Variants in WDR89 observed in about 807,000 individuals in gnomAD.
The protein encoded by WDR89 is WD repeat domain 89, also known as WD repeat-containing protein 89.
A neutral mutation model predicts 29.1 loss-of-function variants in WDR89; 17 were observed. That is an observed-to-expected ratio of 0.58 (90% CI 0.40 to 0.88). The LOEUF (loss-of-function observed/expected upper bound fraction) is 0.88. Ranked by LOEUF, WDR89 falls within the 40% of genes least tolerant of loss-of-function variation. WDR89 has a pLI of 0.00. For missense variants in WDR89, 396 were observed against 456.3 expected, an observed-to-expected ratio of 0.87 and a Z score of 1.20; for synonymous variants, 138 against 157.8, an observed-to-expected ratio of 0.87 and a Z score of 0.94.
chr14:63,617,641 C>A (rs376851071), intron 2 of WDR89, among the ~76,000 whole-genome samples: 1 of 152,028 alleles, frequency 6.6e-6, no homozygotes, highest in African/African-American at 2.4e-5. Flanking sequence ...CCCACCACCA[C>A]GCCCAGCTAA....
At chr14:63,629,696 C>T (rs1413723709) in intron 1 of WDR89, among the ~76,000 whole-genome samples, 1 of 152,172 alleles carries the variant, frequency 6.6e-6, no homozygotes, top group African/African-American at 2.4e-5. Context: ...AAGGAGACGA[C>T]ATTGAAGCAA....
chr14:63,626,955 C>CA (rs963021754), intron 1 of WDR89, among the ~76,000 whole-genome samples: 17 of 151,282 alleles, frequency 1.1e-4, no homozygotes, highest in African/African-American at 3.6e-4. Context: ...CCCGTCCTTA[C>CA]AAAAAAAATA....
intron 1 of WDR89, among the ~76,000 whole-genome samples, chr14:63,637,590 A>ATG (rs1883821089): frequency 6.6e-6 from 1 of 152,130 alleles, no homozygotes; most frequent in South Asian, 2.1e-4. Flanking sequence ...GTGTATATAT[A>ATG]TGTGTATATA....
At chr14:63,633,231 ATGTG>A (rs982925132) in intron 1 of WDR89, among the ~76,000 whole-genome samples, 4 of 152,096 alleles carry the variant, frequency 2.6e-5, no homozygotes, top group African/African-American at 7.2e-5. Flanking sequence ...ATGTATAAAT[ATGTG>A]TGTAAGTATA....
At chr14:63,629,878 T>A (rs896914455) in intron 1 of WDR89, among the ~76,000 whole-genome samples, 2 of 152,200 alleles carry the variant, frequency 1.3e-5, no homozygotes, top group South Asian at 4.1e-4. Context: ...AGCAGCTACG[T>A]TAAACTATTT....
intron 1 of WDR89, among the ~76,000 whole-genome samples, chr14:63,632,341 G>T (rs567712564): frequency 1.2e-4 from 18 of 151,990 alleles, no homozygotes; most frequent in Middle Eastern, 3.4e-3. Context: ...TTAAAAACTA[G>T]GAAAGTAGGC....
chr14:63,627,199 AC>A (rs891282687), intron 1 of WDR89, among the ~76,000 whole-genome samples: 1 of 149,738 alleles, frequency 6.7e-6, no homozygotes, highest in Non-Finnish European at 1.5e-5. Flanking sequence ...TAAATGTTAA[AC>A]TTTTTGACAA....
chr14:63,610,069 AC>A, intron 2 of WDR89, among the ~76,000 whole-genome samples: 1 of 151,488 alleles, frequency 6.6e-6, no homozygotes, highest in East Asian at 1.9e-4. Flanking sequence ...AAATAACAAT[AC>A]TCATCTGAGT....
chr14:63,599,341 T>C lies in WDR89; in HGVS notation c.602A>G (p.Asn201Ser), dbSNP rs1412265660. ...SDGLVNVFDI[N>S]IDNEEDALVT... is the part of the protein sequence containing the mutation. Reference sequence around the variant, plus strand: ...CAGTGCATCCTCCTCATTATCAATATTAATATCAAATACATTTACCAGGCC... The same window carrying C: ...CAGTGCATCCTCCTCATTATCAATACTAATATCAAATACATTTACCAGGCC... The change falls in exon 3 of 3, where the codon AAT becomes AGT. Residue 201 changes from asparagine (N) to serine (S), a missense_variant. Coordinates refer to ENST00000620954, the MANE Select transcript of WDR89 (RefSeq NM_080666.4). The C allele has an allele frequency of 9.3e-6, 15 of 1,614,048 alleles. No homozygotes were observed. Among genetic ancestry groups the C allele is most frequent in the Non-Finnish European group, 1.3e-5 (15 of 1,180,036 alleles).
At position 63,599,321 on chromosome 14, in the gene WDR89, C is replaced by T; in HGVS notation, c.622G>A (p.Ala208Thr). Residue 208 changes from alanine (A) to threonine (T), a missense_variant, in exon 3 of 3, where the codon GCA (alanine) becomes ACA (threonine). Transcript: ENST00000620954. ...ATTGAGTTACAGGTTGTAACCAGTGCATCCTCCTCATTATCAATATTAATA... is the reference window on the plus strand; with the variant it reads ...ATTGAGTTACAGGTTGTAACCAGTGTATCCTCCTCATTATCAATATTAATA... ...FDINIDNEED[A>T]LVTTCNSISS... is the part of the protein sequence containing the mutation. 6.2e-7 allele frequency: 1 copy of T among 1,614,068 alleles called. No individual in the cohort carries two copies. The highest frequency in any genetic ancestry group is 8.5e-7 in the Non-Finnish European group (1 of 1,180,018).
intron 2 of WDR89, among the ~76,000 whole-genome samples, chr14:63,617,757 T>C (rs188304312): frequency 2.9e-4 from 44 of 152,260 alleles, no homozygotes; most frequent in Admixed American, 2.9e-3. Flanking sequence ...AATGCTGGTA[T>C]TGCAGGCATG....
intron 2 of WDR89, among the ~76,000 whole-genome samples, chr14:63,614,357 G>GCC (rs1882177133): frequency 1.3e-5 from 2 of 150,634 alleles, no homozygotes; most frequent in South Asian, 4.2e-4. Flanking sequence ...GCCCAGGCTG[G>GCC]AGTGCAGTGG....
intron 2 of WDR89, among the ~76,000 whole-genome samples, chr14:63,610,968 G>A (rs983897702): frequency 1.3e-5 from 2 of 151,780 alleles, no homozygotes; most frequent in African/African-American, 4.8e-5. Flanking sequence ...CCAAAGTGCT[G>A]GGGTTATAGG....
rs572861006 is a variant in WDR89, at chr14:63,615,204, G to A, written c.-32+9724C>T. On this transcript the variant is annotated intron_variant, in intron 2 of 2. Transcript: ENST00000620954. The stretch of plus-strand genomic sequence containing the variant: ...TTGCATGTAAATCTTGCATCCAAAC[G>A]TCACCCTTTACGGTAATTCCACAAA... Among the ~76,000 whole-genome samples, 9 of 152,230 alleles carry A rather than the reference G, an allele frequency of 5.9e-5. No individual in the cohort carries two copies. The East Asian group carries it at 1.5e-3, about 26-fold the overall frequency.
chr14:63,608,613 A>C (rs61984036), intron 2 of WDR89, among the ~76,000 whole-genome samples: 3,062 of 152,098 alleles, frequency 0.02, 48 homozygotes, highest in South Asian at 0.031. Flanking sequence ...TTTGGAGTAC[A>C]GTGTAAATAC....
chr14:63,626,036 T>G (rs1329715793), intron 1 of WDR89, among the ~76,000 whole-genome samples: 1 of 152,138 alleles, frequency 6.6e-6, no homozygotes, highest in East Asian at 1.9e-4. Flanking sequence ...GTATCTTTAG[T>G]AGAGATGGGG....
At chr14:63,637,339 T>C (rs1883800632) in intron 1 of WDR89, among the ~76,000 whole-genome samples, 2 of 152,228 alleles carry the variant, frequency 1.3e-5, no homozygotes, top group South Asian at 2.1e-4. Flanking sequence ...GCAACCACTA[T>C]GGAAAACAGT....
At chr14:63,627,867 G>A (rs1041364854) in intron 1 of WDR89, among the ~76,000 whole-genome samples, 9 of 152,064 alleles carry the variant, frequency 5.9e-5, no homozygotes, top group Admixed American at 5.9e-4. Flanking sequence ...TAGGAGGATC[G>A]CTTGAGCCCA....
intron 2 of WDR89, among the ~76,000 whole-genome samples, chr14:63,624,067 A>G (rs1299633979): frequency 6.6e-6 from 1 of 152,234 alleles, no homozygotes; most frequent in Non-Finnish European, 1.5e-5. Context: ...AAGGGAATCT[A>G]TGACCTTTGG....
Sources: gnomAD v4.1 joint callset for allele counts (sites outside exome capture counted in the v4.1 genomes callset) on GRCh38, gnomAD v4.1.1 for gene constraint, MANE v1.5 for transcripts, NCBI Gene and HGNC (gene_info 2026-07-23, HGNC 2026-07-21) for gene names.